PDE4D: variants seen among roughly 807,000 people sequenced by gnomAD.
PDE4D encodes phosphodiesterase 4D.
In PDE4D, 24 loss-of-function variants were observed where a neutral mutation model predicts 87.4. The ratio of observed to expected loss-of-function variants is 0.27; its 90% CI spans 0.20 to 0.39. The LOEUF (loss-of-function observed/expected upper bound fraction) is 0.39. PDE4D is among the 10% of genes least tolerant of loss of function. The pLI is 1.00. For missense variants in PDE4D, 714 were observed against 1,041.0 expected (o/e 0.69, Z 4.32); for synonymous variants, 384 against 383.2 (o/e 1.00, Z -0.02).
At chr5:60,044,283 T>C (rs1768902056) in intron 2 of PDE4D, among the ~76,000 whole-genome samples, 1 of 152,182 alleles carries the variant, frequency 6.6e-6, no homozygotes, top group Non-Finnish European at 1.5e-5. Flanking sequence ...ACACTTATTA[T>C]GTACCCATAA....
At chr5:60,333,513 G>A (rs1201323841) in intron 1 of PDE4D, among the ~76,000 whole-genome samples, 5 of 152,162 alleles carry the variant, frequency 3.3e-5, no homozygotes, top group Non-Finnish European at 7.3e-5. Context: ...ACATAAGGAC[G>A]ATGAACAAGC....
intron 2 of PDE4D, among the ~76,000 whole-genome samples, chr5:60,130,525 T>C (rs577868461): frequency 6.6e-6 from 1 of 152,160 alleles, no homozygotes; most frequent in Non-Finnish European, 1.5e-5. Context: ...ACAGAGACCA[T>C]CCTTTTATTT....
chr5:59,424,149 G>T (rs1229749207), intron 1 of PDE4D, among the ~76,000 whole-genome samples: 1 of 152,124 alleles, frequency 6.6e-6, no homozygotes, highest in Non-Finnish European at 1.5e-5. Flanking sequence ...GATGGGGAAG[G>T]TCCCTGGGTA....
chr5:59,286,054 G>A (rs78838518), intron 1 of PDE4D, among the ~76,000 whole-genome samples: 1,707 of 152,206 alleles, frequency 0.011, 13 homozygotes, highest in Non-Finnish European at 0.017. Flanking sequence ...TAGCACATTC[G>A]TATTTGTATC....
intron 1 of PDE4D, among the ~76,000 whole-genome samples, chr5:59,714,407 C>T (rs1340930377): frequency 1.3e-5 from 2 of 152,182 alleles, no homozygotes; most frequent in Non-Finnish European, 2.9e-5. Context: ...AGGGAACTGG[C>T]TGAGGTGCCT....
At chr5:59,100,925 C>T (rs147004240) in intron 5 of PDE4D, among the ~76,000 whole-genome samples, 158 of 152,282 alleles carry the variant, frequency 1.0e-3, no homozygotes, top group African/African-American at 3.5e-3. Flanking sequence ...AAAGCAGAGT[C>T]GTGCTTCTAA....
chr5:59,504,902 ATGTGTG>A (rs61507201), intron 1 of PDE4D, among the ~76,000 whole-genome samples: 7,758 of 145,766 alleles, frequency 0.053, 223 homozygotes, highest in African/African-American at 0.079. Context: ...GTAGGGGTAT[ATGTGTG>A]TGTGTGTGTG....
At chr5:59,242,247 G>A (rs1757829786) in intron 1 of PDE4D, among the ~76,000 whole-genome samples, 1 of 152,122 alleles carries the variant, frequency 6.6e-6, no homozygotes, top group Admixed American at 6.6e-5. Context: ...GAAATTTACT[G>A]TGCAAATACC....
At chr5:60,450,057 A>AC (rs1259179238) in intron 1 of PDE4D, among the ~76,000 whole-genome samples, 2 of 151,638 alleles carry the variant, frequency 1.3e-5, no homozygotes, top group Non-Finnish European at 2.9e-5. Flanking sequence ...CAGTAAAAAA[A>AC]AAAAAAGAAA....
In PDE4D at chr5:60,195,384, C is replaced by G. The variant is rs562028657; in HGVS notation, c.-89-9697G>C. Among the ~76,000 whole-genome samples the G allele has an allele frequency of 4.0e-5, 6 of 151,862 alleles. No homozygotes were observed. The East Asian group carries it at 1.2e-3, about 29-fold the overall frequency. ...TTCATGTTTATATATACAATTACAA[C>G]ATAAAATATGCTTAGTAAATGTTTA... On this transcript the variant is annotated intron_variant, in intron 1 of 16. Coordinates refer to the PDE4D transcript ENST00000502484.
At chr5:60,441,902 GC>G (rs1745252436) in intron 1 of PDE4D, among the ~76,000 whole-genome samples, 2 of 152,088 alleles carry the variant, frequency 1.3e-5, no homozygotes, top group Non-Finnish European at 2.9e-5. Flanking sequence ...ACCATCTCAT[GC>G]CAATTAGAAT....
intron 1 of PDE4D, among the ~76,000 whole-genome samples, chr5:59,545,937 A>T (rs949216716): frequency 6.6e-6 from 1 of 152,190 alleles, no homozygotes; most frequent in Non-Finnish European, 1.5e-5. Context: ...TCAAATACTC[A>T]CTTGCATTAA....
chr5:59,211,468 C>A (rs1750063818), intron 2 of PDE4D, among the ~76,000 whole-genome samples: 1 of 152,012 alleles, frequency 6.6e-6, no homozygotes, highest in Admixed American at 6.6e-5. Context: ...CTATGTATTT[C>A]ATTGGTTTAA....
intron 1 of PDE4D, among the ~76,000 whole-genome samples, chr5:59,411,061 T>C (rs1792593765): frequency 6.6e-6 from 1 of 152,154 alleles, no homozygotes; most frequent in South Asian, 2.1e-4. Flanking sequence ...GTGGCACTGG[T>C]CTCCTAGCTG....
intron 1 of PDE4D, among the ~76,000 whole-genome samples, chr5:59,763,696 C>T (rs984472726): frequency 1.3e-5 from 2 of 152,096 alleles, no homozygotes; most frequent in African/African-American, 4.8e-5. Flanking sequence ...CTTTGTAGTT[C>T]CTGCTGATGA....
intron 5 of PDE4D, among the ~76,000 whole-genome samples, chr5:59,158,929 C>T (rs1260365619): frequency 1.3e-5 from 2 of 152,148 alleles, no homozygotes; most frequent in Non-Finnish European, 2.9e-5. Context: ...TTGAAAAGGG[C>T]TGCTTTGCTG....
At chr5:59,966,845 A>G (rs1261980402) in intron 3 of PDE4D, among the ~76,000 whole-genome samples, 1 of 152,224 alleles carries the variant, frequency 6.6e-6, no homozygotes, top group Non-Finnish European at 1.5e-5. Flanking sequence ...GTGCCAATTT[A>G]CAACAATGAA....
At chr5:59,447,772 C>T (rs1248426686) in intron 1 of PDE4D, among the ~76,000 whole-genome samples, 1 of 152,192 alleles carries the variant, frequency 6.6e-6, no homozygotes, top group Non-Finnish European at 1.5e-5. Context: ...CTTCCTGCCC[C>T]ACTGACACCA....
At chr5:59,865,526 C>T (rs159625) in intron 1 of PDE4D, among the ~76,000 whole-genome samples, 25,070 of 152,058 alleles carry the variant, frequency 0.16, 2,256 homozygotes, top group Middle Eastern at 0.27. Context: ...AGGTTCTTCC[C>T]CAAACCCAGC....
Sources: allele counts gnomAD v4.1 joint callset (sites outside exome capture counted in the v4.1 genomes callset), GRCh38; gene constraint gnomAD v4.1.1; transcripts MANE v1.5; gene names NCBI Gene and HGNC (gene_info 2026-07-23, HGNC 2026-07-21).